The following STIL variants were observed in gnomAD, a reference collection of about 807,000 sequenced individuals.
The protein encoded by STIL is SCL-interrupting locus protein.
A neutral mutation model predicts 110.1 loss-of-function variants in STIL; 55 were observed. That is an observed-to-expected ratio of 0.50 (90% CI 0.40 to 0.63). The LOEUF is 0.63. STIL is among the 20% of genes least tolerant of loss of function. STIL has a pLI of 0.00. For missense variants in STIL, 1,358 were observed against 1,530.0 expected, an observed-to-expected ratio of 0.89 and a Z score of 1.87; for synonymous variants, 481 against 530.0, an observed-to-expected ratio of 0.91 and a Z score of 1.27.
chr1:47,275,335 G>A (rs1434917485), intron 12 of STIL, among the ~76,000 whole-genome samples: 6 of 151,240 alleles, frequency 4.0e-5, no homozygotes, highest in African/African-American at 1.5e-4. Flanking sequence ...TTTGCTGGGC[G>A]CGGTGGCTCA....
intron 12 of STIL, among the ~76,000 whole-genome samples, chr1:47,277,934 G>A (rs1645038589): frequency 6.6e-6 from 1 of 152,072 alleles, no homozygotes; most frequent in African/African-American, 2.4e-5. Flanking sequence ...ATGAGGTAAG[G>A]TAACTTGTCC....
intron 8 of STIL, among the ~76,000 whole-genome samples, chr1:47,292,452 T>A (rs1645522739): frequency 6.6e-6 from 1 of 152,156 alleles, no homozygotes; most frequent in Admixed American, 6.5e-5. Context: ...CACAAAGATG[T>A]ATGCATAAAA....
chr1:47,268,758 CATAA>C (rs55980086), intron 14 of STIL, among the ~76,000 whole-genome samples: 54,454 of 97,854 alleles, frequency 0.56, 11,743 homozygotes, highest in Middle Eastern at 0.67. Context: ...AACTCCATCT[CATAA>C]ATAAATAAAT....
chr1:47,293,330 C>T, intron 8 of STIL, 128 bp downstream of exon 8: 7 of 702,664 alleles, frequency 1.0e-5, no homozygotes, highest in East Asian at 2.8e-5. Flanking sequence ...TTTGTTTTTT[C>T]TTAATGTACG....
chr1:47,263,810 T>C (rs927240668), intron 14 of STIL, among the ~76,000 whole-genome samples: 1 of 142,970 alleles, frequency 7.0e-6, no homozygotes, highest in Non-Finnish European at 1.5e-5. Context: ...TGGAATGTAG[T>C]GGCGTCATCT....
intron 16 of STIL, among the ~76,000 whole-genome samples, chr1:47,255,214 A>T (rs561531791): frequency 1.2e-4 from 19 of 152,368 alleles, no homozygotes; most frequent in Middle Eastern, 6.8e-3. Context: ...CATTCCACTA[A>T]TCAAATCCTA....
Position 47,302,264 on chromosome 1 carries a change from A to AC in STIL, c.234_235insG (p.Phe79ValfsTer12). On this transcript the variant is annotated frameshift_variant, in exon 4 of 17. Transcript: ENST00000371877. LOFTEE classifies it high-confidence loss of function. ...TCTGCTGTCAGAGAACCAAGTAAAAAGCATGACGAATTTTTTTTATTCTGC... is the reference window on the plus strand; with the variant it reads ...TCTGCTGTCAGAGAACCAAGTAAAAACGCATGACGAATTTTTTTTATTCTGC... 6.2e-7 allele frequency: 1 copy of AC among 1,614,028 alleles called. No individual in the cohort carries two copies. Among genetic ancestry groups the AC allele is most frequent in the East Asian group, 2.2e-5 (1 of 44,874 alleles).
At chr1:47,270,938 C>A (rs1246719815) in intron 13 of STIL, among the ~76,000 whole-genome samples, 2 of 152,044 alleles carry the variant, frequency 1.3e-5, no homozygotes, top group Non-Finnish European at 2.9e-5. Context: ...CTTGACCTCC[C>A]AAAGTGCAAA....
intron 7 of STIL, among the ~76,000 whole-genome samples, chr1:47,295,457 G>T (rs1269447339): frequency 1.3e-5 from 2 of 152,008 alleles, no homozygotes; most frequent in Admixed American, 6.6e-5. Context: ...ATGCACGCCT[G>T]TAATCCCAGC....
At position 47,305,008 on chromosome 1, in the gene STIL, A is replaced by T; in HGVS notation, c.45-12T>A. 1 of 1,603,034 alleles carries T rather than the reference A, an allele frequency of 6.2e-7. No individual in the cohort carries two copies. The highest frequency in any genetic ancestry group is 8.5e-7 in the Non-Finnish European group (1 of 1,170,194). ...TGCTTGAAGGAAACCTTTTGAAAAA[A>T]CAATGTAAAATTAAAGCACAAGGAA... On this transcript the variant is annotated splice_polypyrimidine_tract_variant and intron_variant, in intron 2 of 16. Coordinates refer to ENST00000371877, the MANE Select transcript of STIL (RefSeq NM_001048166.1).
At chr1:47,268,340 G>A (rs1644715081) in intron 14 of STIL, among the ~76,000 whole-genome samples, 1 of 152,102 alleles carries the variant, frequency 6.6e-6, no homozygotes, top group South Asian at 2.1e-4. Flanking sequence ...CAGCTGCTTG[G>A]GAGGCTGAGG....
Position 47,251,474 on chromosome 1 carries a change from C to T in STIL, c.3529G>A (p.Glu1177Lys). Residue 1177 changes from glutamate (E) to lysine (K), a missense_variant, in exon 17 of 17, where the codon GAA becomes AAA. By Grantham distance (56) the Glu-to-Lys change is moderately conservative (BLOSUM62 1). Coordinates refer to ENST00000371877, the MANE Select transcript of STIL (RefSeq NM_001048166.1). ...GQKEPSKNDH[E>K]IINCSNCESV... is the part of the protein sequence containing the mutation. ...TCACAGTTAGAACAATTAATTATTT[C>T]ATGGTCATTCTTAGAAGGCTCTTTC... 1 of 1,614,204 alleles carries T rather than the reference C, an allele frequency of 6.2e-7. No individual in the cohort carries two copies. Among genetic ancestry groups the T allele is most frequent in the Non-Finnish European group, 8.5e-7 (1 of 1,180,034 alleles).
chr1:47,271,980 C>T (rs1198373975), intron 13 of STIL, 96 bp downstream of exon 13: 1 of 1,372,432 alleles, frequency 7.3e-7, no homozygotes, highest in Non-Finnish European at 1.0e-6. Flanking sequence ...TTTGGTCCTA[C>T]TGCACCATGC....
chr1:47,289,681 G>T (rs937508675), intron 8 of STIL, 96 bp from the exon 9 acceptor site: 2 of 1,242,350 alleles, frequency 1.6e-6, no homozygotes, highest in Non-Finnish European at 2.3e-6. Context: ...TTAACAAAAT[G>T]ACTAAAAGGT....
intron 1 of STIL, among the ~76,000 whole-genome samples, chr1:47,312,347 G>C (rs1646151633): frequency 6.6e-6 from 1 of 152,066 alleles, no homozygotes; most frequent in South Asian, 2.1e-4. Context: ...AAAATTAGTG[G>C]GGTGTGGTGG....
rs60915271 is a variant in STIL, at chr1:47,263,744, G to GTTTTTTTTTTTT, written c.2616-640_2616-629dup. Among the ~76,000 whole-genome samples the GTTTTTTTTTTTT allele has an allele frequency of 3.0e-4, 29 of 98,290 alleles. 2 individuals carry two copies. Among genetic ancestry groups the GTTTTTTTTTTTT allele is most frequent in the African/African-American group, 4.6e-4 (11 of 23,694 alleles). The allele number at this position is 98,290 out of a possible 152,430, so 64.5% of individuals were successfully genotyped here. A position where few individuals can be genotyped will look rare whatever the true frequency, so the allele number is the denominator to read the frequency against. On this transcript the variant is annotated intron_variant, in intron 14 of 16. Transcript: ENST00000371877. ...TAGGTATGTTATTTGTTCATTCCAA[G>GTTTTTTTTTTTT]TTTTTTTTTTTTTTTTTTTTTTTTT...
intron 16 of STIL, among the ~76,000 whole-genome samples, chr1:47,253,856 C>T (rs1026565557): frequency 1.6e-4 from 25 of 151,924 alleles, no homozygotes; most frequent in Non-Finnish European, 2.2e-4. Flanking sequence ...ACCTGAAATT[C>T]GCAAAAAACT....
rs377319282 is a variant in STIL at position 47,280,272 on chromosome 1, T to A, written c.2186A>T (p.Gln729Leu). The change falls in exon 12 of 17, where the codon CAA becomes CTA. Residue 729 changes from glutamine (Q) to leucine (L), a missense_variant. Coordinates refer to ENST00000371877, the MANE Select transcript of STIL (RefSeq NM_001048166.1). ...CTGAAGTAGTCTTAGCTGTCTGTCT[T>A]GTTCTGTGAGGAACCGATATGCATC... ...SPDAYRFLTE[Q>L]DRQLRLLQAQ... The A allele has an allele frequency of 2.4e-5, 38 of 1,614,224 alleles. No homozygotes were observed. The highest frequency in any genetic ancestry group is 3.2e-5 in the Non-Finnish European group (38 of 1,180,032).
intron 2 of STIL, among the ~76,000 whole-genome samples, chr1:47,307,595 T>C (rs1029673528): frequency 2.0e-5 from 3 of 152,144 alleles, no homozygotes; most frequent in African/African-American, 7.2e-5. Context: ...CAGGACCCTG[T>C]AATAATTGCG....
Sources: gnomAD v4.1 joint callset for allele counts (sites outside exome capture counted in the v4.1 genomes callset) on GRCh38, gnomAD v4.1.1 for gene constraint, MANE v1.5 for transcripts, NCBI Gene and HGNC (gene_info 2026-07-23, HGNC 2026-07-21) for gene names.